EYS: variants seen among roughly 807,000 people sequenced by gnomAD.
EYS encodes EGF-like photoreceptor maintenance factor.
In EYS, 250 loss-of-function variants were observed where a neutral mutation model predicts 282.1. That is an observed-to-expected ratio of 0.89 (90% CI 0.80 to 0.98). The LOEUF (loss-of-function observed/expected upper bound fraction) is 0.98. Among genes scored for constraint, EYS ranks in the 50% least tolerant of loss-of-function variants. The pLI is 0.00. For synonymous variants in EYS, 1,355 were observed against 1,282.9 expected, an observed-to-expected ratio of 1.06 and a Z score of -1.20; for missense variants, 4,016 against 3,709.0, an observed-to-expected ratio of 1.08 and a Z score of -2.15.
At chr6:64,551,202 A>C (rs1765069139) in intron 26 of EYS, among the ~76,000 whole-genome samples, 1 of 148,888 alleles carries the variant, frequency 6.7e-6, no homozygotes, top group African/African-American at 2.5e-5. Context: ...ATATATACAC[A>C]CATATATATA....
intron 31 of EYS, among the ~76,000 whole-genome samples, chr6:64,112,572 C>T (rs1258373750): frequency 1.3e-5 from 2 of 151,694 alleles, no homozygotes; most frequent in East Asian, 3.8e-4. Context: ...CTCCTAACCA[C>T]AACATTATAC....
chr6:65,023,355 A>T (rs1237258372), intron 13 of EYS, among the ~76,000 whole-genome samples: 1 of 152,132 alleles, frequency 6.6e-6, no homozygotes, highest in Non-Finnish European at 1.5e-5. Context: ...CCAAATGATT[A>T]TTTTTCTCCA....
intron 30 of EYS, among the ~76,000 whole-genome samples, chr6:64,247,737 T>C (rs555187518): frequency 1.1e-4 from 16 of 152,012 alleles, no homozygotes; most frequent in Admixed American, 7.2e-4. Context: ...ATAATTTAAT[T>C]CTCACAAGAA....
chr6:65,480,234 T>C (rs1282488425), intron 5 of EYS, among the ~76,000 whole-genome samples: 1 of 152,078 alleles, frequency 6.6e-6, no homozygotes, highest in Non-Finnish European at 1.5e-5. Context: ...TTGTATTATA[T>C]GCATACATGA....
chr6:65,180,225 G>C (rs1005058747), intron 12 of EYS, among the ~76,000 whole-genome samples: 6 of 151,582 alleles, frequency 4.0e-5, no homozygotes, highest in Non-Finnish European at 8.9e-5. Context: ...GCAGGAGAAG[G>C]AAATAAAGGG....
At chr6:65,251,049 A>C (rs559932784) in intron 12 of EYS, among the ~76,000 whole-genome samples, 147 of 151,224 alleles carry the variant, frequency 9.7e-4, no homozygotes, top group Admixed American at 5.6e-3. Context: ...GAAAAAAAAA[A>C]AAAAAACAGG....
rs528339295 is a variant in EYS, at chr6:64,267,120, T to C, written c.6192-36296A>G. ...TAGGACTTTTAATTTTTGAAGAATC[T>C]AAAGATATTTAGTCAAGCAAACTTT... On this transcript the variant is annotated intron_variant, in intron 30 of 42. Coordinates refer to ENST00000503581, the MANE Select transcript of EYS (RefSeq NM_001142800.2). Among the ~76,000 whole-genome samples the C allele has an allele frequency of 2.6e-5, 4 of 152,270 alleles. 1 individual carries two copies. Among genetic ancestry groups the C allele is most frequent in the Admixed American group, 2.6e-4 (4 of 15,274 alleles).
intron 26 of EYS, among the ~76,000 whole-genome samples, chr6:64,528,017 A>C (rs1777977584): frequency 6.6e-6 from 1 of 151,788 alleles, no homozygotes; most frequent in Non-Finnish European, 1.5e-5. Context: ...ATATGGATGT[A>C]AGTATACATA....
intron 41 of EYS, chr6:63,741,789 C>T (rs1161554177): frequency 1.6e-6 from 1 of 611,536 alleles, no homozygotes; most frequent in Non-Finnish European, 3.0e-6. Context: ...AAACTGTCAA[C>T]ATTTCACCTA....
At position 64,684,102 on chromosome 6, in the gene EYS, C is replaced by CTCT. The variant is rs200038710; in HGVS notation, c.3444-57858_3444-57857insAGA. On this transcript the variant is annotated intron_variant, in intron 22 of 42. Coordinates refer to ENST00000503581, the MANE Select transcript of EYS (RefSeq NM_001142800.2). ...CGTTTCAGAGCCTTACAATGCATAT[C>CTCT]TTAAGAGATAAAGAAAATATCTTAA... 1.5e-4 allele frequency among the ~76,000 whole-genome samples: 23 copies of CTCT among 152,224 alleles called. No individual in the cohort carries two copies. In the East Asian group the frequency reaches 4.3e-3, roughly 28 times the overall value.
intron 31 of EYS, among the ~76,000 whole-genome samples, chr6:64,165,840 A>C (rs1764271355): frequency 6.6e-6 from 1 of 152,130 alleles, no homozygotes; most frequent in Non-Finnish European, 1.5e-5. Flanking sequence ...AGATGTATGG[A>C]TTTTAGAAGA....
intron 30 of EYS, among the ~76,000 whole-genome samples, chr6:64,293,021 G>C (rs1045795681): frequency 2.6e-5 from 4 of 152,000 alleles, no homozygotes; most frequent in African/African-American, 9.7e-5. Context: ...TTTAGAATCA[G>C]ACTGTTAATG....
At chr6:65,347,215 A>ATATATATAT (rs1491477193) in intron 9 of EYS, among the ~76,000 whole-genome samples, 1 of 151,778 alleles carries the variant, frequency 6.6e-6, no homozygotes, top group African/African-American at 2.4e-5. Context: ...TTATATACTT[A>ATATATATAT]CAGTGTTTTT....
At chr6:65,689,338 C>T (rs192375809) in intron 1 of EYS, among the ~76,000 whole-genome samples, 2 of 149,020 alleles carry the variant, frequency 1.3e-5, no homozygotes, top group East Asian at 4.7e-4. Flanking sequence ...AACACATGGA[C>T]ACAAGAAGGG....
At chr6:64,761,516 C>T (rs1004303924) in intron 22 of EYS, among the ~76,000 whole-genome samples, 7 of 152,156 alleles carry the variant, frequency 4.6e-5, no homozygotes, top group African/African-American at 1.7e-4. Context: ...GAGTCTCACT[C>T]TGTGGCCAGG....
chr6:65,037,384 A>G (rs1476747144), intron 13 of EYS, among the ~76,000 whole-genome samples: 1 of 151,842 alleles, frequency 6.6e-6, no homozygotes, highest in Non-Finnish European at 1.5e-5. Context: ...CAGTGATGAA[A>G]TAATCTATCT....
chr6:65,362,601 A>T (rs981192201), intron 8 of EYS, among the ~76,000 whole-genome samples: 1 of 151,734 alleles, frequency 6.6e-6, no homozygotes, highest in African/African-American at 2.4e-5. Flanking sequence ...GTATACATTT[A>T]TATATATGCC....
At chr6:64,616,516 G>A (rs1390753193) in intron 24 of EYS, among the ~76,000 whole-genome samples, 1 of 152,046 alleles carries the variant, frequency 6.6e-6, no homozygotes, top group Non-Finnish European at 1.5e-5. Context: ...TTCTACAATT[G>A]ATTTTTCAAA....
chr6:64,421,374 G>T (rs1774227436), intron 28 of EYS, among the ~76,000 whole-genome samples: 1 of 152,114 alleles, frequency 6.6e-6, no homozygotes, highest in Non-Finnish European at 1.5e-5. Context: ...GGGATTATGA[G>T]ACCTAAAATT....
Sources: gnomAD v4.1 joint callset for allele counts (sites outside exome capture counted in the v4.1 genomes callset) on GRCh38, gnomAD v4.1.1 for gene constraint, MANE v1.5 for transcripts, NCBI Gene and HGNC (gene_info 2026-07-23, HGNC 2026-07-21) for gene names.